NRG3: variants seen among roughly 807,000 people sequenced by gnomAD.
The protein encoded by NRG3 is pro-neuregulin-3, membrane-bound isoform.
In NRG3, 31 loss-of-function variants were observed where a neutral mutation model predicts 66.9. That is an observed-to-expected ratio of 0.46 (90% CI 0.35 to 0.63). The LOEUF is 0.63. NRG3 is among the 20% of genes least tolerant of loss of function. NRG3 has a pLI of 0.00. For synonymous variants in NRG3, 393 were observed against 359.4 expected, an observed-to-expected ratio of 1.09 and a Z score of -1.06; for missense variants, 910 against 878.9, an observed-to-expected ratio of 1.04 and a Z score of -0.45.
chr10:82,803,945 T>C (rs767257434), intron 3 of NRG3, among the ~76,000 whole-genome samples: 2 of 152,194 alleles, frequency 1.3e-5, no homozygotes, highest in Non-Finnish European at 2.9e-5. Context: ...TTATAAGTTT[T>C]AAATTGTGTA....
intron 1 of NRG3, among the ~76,000 whole-genome samples, chr10:81,882,188 G>T (rs1351907021): frequency 6.6e-6 from 1 of 152,198 alleles, no homozygotes; most frequent in Non-Finnish European, 1.5e-5. Context: ...TTGCAGCAGA[G>T]TGTAGGTTTC....
intron 7 of NRG3, among the ~76,000 whole-genome samples, chr10:82,977,589 ACT>A (rs1852415934): frequency 7.1e-6 from 1 of 139,890 alleles, no homozygotes; most frequent in Admixed American, 7.7e-5. Context: ...AGCCTGGGTG[ACT>A]CTGTCTCAAA....
chr10:82,665,871 T>A (rs1008136956), intron 2 of NRG3, among the ~76,000 whole-genome samples: 29 of 152,056 alleles, frequency 1.9e-4, no homozygotes, highest in African/African-American at 6.8e-4. Flanking sequence ...TACTACTTCA[T>A]TTTTTTTCTT....
chr10:82,535,865 T>A (rs2132694049), intron 2 of NRG3, among the ~76,000 whole-genome samples: 1 of 152,122 alleles, frequency 6.6e-6, no homozygotes, highest in African/African-American at 2.4e-5. Context: ...AAATGTAGTT[T>A]GCAACAATTC....
At chr10:82,397,878 C>T (rs2086812937) in intron 2 of NRG3, among the ~76,000 whole-genome samples, 1 of 152,110 alleles carries the variant, frequency 6.6e-6, no homozygotes, top group African/African-American at 2.4e-5. Flanking sequence ...CCAGCTGCCT[C>T]CTGAGAGAGG....
intron 2 of NRG3, among the ~76,000 whole-genome samples, chr10:82,538,617 T>A (rs1425370085): frequency 6.6e-6 from 1 of 151,978 alleles, no homozygotes; most frequent in African/African-American, 2.4e-5. Flanking sequence ...AAACCCTAAC[T>A]CTACAACAGT....
intron 2 of NRG3, among the ~76,000 whole-genome samples, chr10:82,689,413 G>A (rs912899371): frequency 2.6e-5 from 4 of 152,076 alleles, no homozygotes; most frequent in African/African-American, 7.2e-5. Context: ...GTTAGTGCAC[G>A]TAAGTCTCAC....
At chr10:82,830,064 C>T (rs1564543797) in intron 3 of NRG3, among the ~76,000 whole-genome samples, 1 of 152,264 alleles carries the variant, frequency 6.6e-6, no homozygotes, top group Middle Eastern at 3.4e-3. Context: ...TAAAGGCCGA[C>T]ATTAATGTTA....
At chr10:82,183,578 G>T (rs1021621134) in intron 1 of NRG3, among the ~76,000 whole-genome samples, 2 of 152,066 alleles carry the variant, frequency 1.3e-5, no homozygotes, top group Non-Finnish European at 1.5e-5. Context: ...ATATACCCAA[G>T]AATACAGAAG....
chr10:82,028,059 C>T (rs1359644021), intron 1 of NRG3, among the ~76,000 whole-genome samples: 1 of 152,046 alleles, frequency 6.6e-6, no homozygotes, highest in African/African-American at 2.4e-5. Context: ...TGGGGATTCT[C>T]ATATGAGTAG....
At chr10:82,776,540 C>T (rs990399200) in intron 3 of NRG3, among the ~76,000 whole-genome samples, 3 of 151,986 alleles carry the variant, frequency 2.0e-5, no homozygotes, top group African/African-American at 7.3e-5. Flanking sequence ...ATCTCTTTAC[C>T]CTCTGAAACT....
chr10:82,935,575 T>C lies in NRG3; in HGVS notation c.1055-15894T>C, dbSNP rs187179882. ...AAGTTTTAGAAAACAGGTAATCTAT[T>C]ATTTATAATAGCAAAAAATGATAAC... On this transcript the variant is annotated intron_variant, in intron 4 of 8. Coordinates refer to ENST00000372141, the MANE Select transcript of NRG3 (RefSeq NM_001010848.4). Among the ~76,000 whole-genome samples, 768 of 152,294 alleles carry C rather than the reference T, an allele frequency of 5.0e-3. 6 individuals carry two copies. The highest frequency in any genetic ancestry group is 0.017 in the African/African-American group (727 of 41,570).
At chr10:82,268,743 C>T (rs1384127571) in intron 1 of NRG3, among the ~76,000 whole-genome samples, 1 of 151,888 alleles carries the variant, frequency 6.6e-6, no homozygotes, top group Non-Finnish European at 1.5e-5. Context: ...AGCTAGACTA[C>T]AAGAACCAGG....
intron 6 of NRG3, among the ~76,000 whole-genome samples, chr10:82,971,559 C>A (rs1305166640): frequency 3.3e-5 from 5 of 151,916 alleles, no homozygotes; most frequent in Admixed American, 3.3e-4. Flanking sequence ...GCCTCAGCCT[C>A]CTGAGTAGCT....
At chr10:82,297,116 T>C (rs2080111241) in intron 1 of NRG3, among the ~76,000 whole-genome samples, 1 of 152,204 alleles carries the variant, frequency 6.6e-6, no homozygotes, top group East Asian at 1.9e-4. Flanking sequence ...GAAATGACTT[T>C]ATTCTTTATG....
chr10:82,901,952 A>G (rs1219293921), intron 4 of NRG3, among the ~76,000 whole-genome samples: 8 of 152,204 alleles, frequency 5.3e-5, no homozygotes, highest in African/African-American at 1.9e-4. Flanking sequence ...CTTATATAGT[A>G]GCTTTTTCGT....
At chr10:82,133,533 T>C (rs1049804570) in intron 1 of NRG3, among the ~76,000 whole-genome samples, 2 of 152,200 alleles carry the variant, frequency 1.3e-5, no homozygotes, top group Middle Eastern at 3.2e-3. Flanking sequence ...GCTTCTGCAT[T>C]AGTTTACTGA....
At chr10:82,113,888 A>T (rs539072794) in intron 1 of NRG3, among the ~76,000 whole-genome samples, 1 of 152,314 alleles carries the variant, frequency 6.6e-6, no homozygotes, top group African/African-American at 2.4e-5. Flanking sequence ...CCTTAATTAT[A>T]TATTTACAAA....
intron 2 of NRG3, among the ~76,000 whole-genome samples, chr10:82,526,622 G>A (rs1400453946): frequency 6.6e-6 from 1 of 151,822 alleles, no homozygotes; most frequent in East Asian, 1.9e-4. Flanking sequence ...TTGTCTTTTA[G>A]CCACAAAGCA....
Sources: allele counts gnomAD v4.1 joint callset (sites outside exome capture counted in the v4.1 genomes callset), GRCh38; gene constraint gnomAD v4.1.1; transcripts MANE v1.5; gene names NCBI Gene and HGNC (gene_info 2026-07-23, HGNC 2026-07-21).